CLCN6: variants seen among roughly 807,000 people sequenced by gnomAD.
CLCN6 encodes the protein Cl-/H+ antiporter 6.
CLCN6 carries 70 observed loss-of-function variants against 109.8 expected under a neutral mutation model. That is an observed-to-expected ratio of 0.64 (90% CI 0.53 to 0.78). The LOEUF (loss-of-function observed/expected upper bound fraction) is 0.78. CLCN6 is among the 30% of genes least tolerant of loss of function. The probability of loss-of-function intolerance (pLI) is 0.00; values close to 1 mark genes in which losing one functional copy is unlikely to be tolerated. For synonymous variants in CLCN6, 444 were observed against 447.8 expected, an observed-to-expected ratio of 0.99 and a Z score of 0.11; for missense variants, 984 against 1,142.3, an observed-to-expected ratio of 0.86 and a Z score of 2.00.
chr1:11,821,697 T>C (rs1475337193), intron 5 of CLCN6, among the ~76,000 whole-genome samples: 1 of 152,110 alleles, frequency 6.6e-6, no homozygotes, highest in Non-Finnish European at 1.5e-5. Flanking sequence ...AAAAGGAAGG[T>C]GCACATTCCT....
chr1:11,823,734 G>A lies in CLCN6; in HGVS notation c.481G>A (p.Glu161Lys), dbSNP rs777007367. The change falls in exon 7 of 23, where the codon GAG becomes AAG. Residue 161 changes from glutamate to lysine, a missense_variant. Coordinates refer to ENST00000346436, the MANE Select transcript of CLCN6 (RefSeq NM_001286.5). ...GGTGGCAGCAGGTTCCGGGATACCC[G>A]AGGTCAAATGCTATCTGAATGGCGT... Reference protein sequence around the residue: ...EPVAAGSGIPEVKCYLNGVKV... With the variant: ...EPVAAGSGIPKVKCYLNGVKV... 4 of 1,614,250 alleles carry A rather than the reference G, an allele frequency of 2.5e-6. No individual in the cohort carries two copies. The highest frequency in any genetic ancestry group is 1.3e-5 in the African/African-American group (1 of 75,066).
At chr1:11,830,776 CTAT>C (rs1644872355) in intron 13 of CLCN6, among the ~76,000 whole-genome samples, 6 of 118,096 alleles carry the variant, frequency 5.1e-5, no homozygotes, top group East Asian at 2.2e-4. Flanking sequence ...CACACACACA[CTAT>C]ATATACACAC....
intron 13 of CLCN6, among the ~76,000 whole-genome samples, chr1:11,831,337 A>G (rs961627408): frequency 2.0e-5 from 3 of 151,778 alleles, no homozygotes; most frequent in Non-Finnish European, 2.9e-5. Context: ...TTGTATTTCT[A>G]GTAGAGACGG....
At chr1:11,837,523 C>T (rs1644965904) in intron 20 of CLCN6, 24 bp downstream of exon 20, 1 of 1,609,112 alleles carries the variant, frequency 6.2e-7, no homozygotes, top group Admixed American at 1.7e-5. Context: ...AGGCAGAAAT[C>T]AGCCAGGCCA....
intron 5 of CLCN6, among the ~76,000 whole-genome samples, chr1:11,821,088 A>AC (rs1199583232): frequency 7.9e-5 from 9 of 113,312 alleles, no homozygotes; most frequent in Non-Finnish European, 1.6e-4. Context: ...AAACAACAAC[A>AC]AAAAAAAAAA....
In CLCN6 at chr1:11,806,246, G is replaced by A. The variant is rs1179320944; in HGVS notation, c.-17G>A. ...GGGGGTTGGTAGAGGGGTCCAGAGT[G>A]GCAGTAAAGGAGGAAGATGGCGGGG... On this transcript the variant is annotated 5_prime_UTR_variant, in exon 1 of 23. Transcript: ENST00000346436. 1.4e-6 allele frequency: 2 copies of A among 1,448,334 alleles called. No homozygotes were observed. Among genetic ancestry groups the A allele is most frequent in the South Asian group, 1.6e-5 (1 of 64,422 alleles). 89.7% of individuals were successfully genotyped at this position (1,448,334 alleles called of 1,614,324 possible). A position where few individuals can be genotyped will look rare whatever the true frequency, so the allele number is the denominator to read the frequency against.
chr1:11,815,066 A>T, intron 2 of CLCN6, among the ~76,000 whole-genome samples: 1 of 151,936 alleles, frequency 6.6e-6, no homozygotes, highest in Non-Finnish European at 1.5e-5. Flanking sequence ...AGTTGCTTTT[A>T]AAAATACTTT....
rs576300278 is a variant in CLCN6, at chr1:11,834,554, C to T, written c.1757C>T (p.Pro586Leu). ...ATCCACGTGGGCCTGCGAGGCGTGC[C>T]GCTTCTGGAATGGGAGACAGAGGTG... ...YDIHVGLRGVPLLEWETEVEM... is the reference protein window; with the variant it reads ...YDIHVGLRGVLLLEWETEVEM... The change falls in exon 17 of 23, where the codon CCG (proline) becomes CTG (leucine). Residue 586 changes from proline (P) to leucine (L), a missense_variant. Transcript: ENST00000346436. The surrounding 1 kb of genome is among the most constrained non-coding windows in gnomAD (Gnocchi z 4.5). 120 of 1,613,954 alleles carry T rather than the reference C, an allele frequency of 7.4e-5. No individual in the cohort carries two copies. The highest frequency in any genetic ancestry group is 4.9e-4 in the South Asian group (45 of 91,072).
Position 11,834,274 on chromosome 1 carries a change from C to T in CLCN6, c.1565C>T (p.Ala522Val). 6.2e-7 allele frequency: 1 copy of T among 1,614,016 alleles called. No homozygotes were observed. Among genetic ancestry groups the T allele is most frequent in the Non-Finnish European group, 8.5e-7 (1 of 1,179,982 alleles). The change falls in exon 16 of 23, where the codon GCC becomes GTC. Residue 522 changes from alanine to valine, a missense_variant. Transcript: ENST00000346436. The surrounding 1 kb of genome is among the most constrained non-coding windows in gnomAD (Gnocchi z 4.5). ...GGCCACATCTATTCGGGGACCTTTG[C>T]CCTGATTGGTGCAGCGGCTTTCTTG... The part of the protein sequence containing the change: ...GLGHIYSGTF[A>V]LIGAAAFLGG...
intron 9 of CLCN6, 136 bp from the exon 10 acceptor site, chr1:11,826,953 C>T: frequency 9.1e-7 from 1 of 1,101,110 alleles, no homozygotes; most frequent in Non-Finnish European, 1.3e-6. Context: ...GGCTGCCTCA[C>T]CAGTGACCTG....
rs1644923899 is a variant in CLCN6 at position 11,834,760 on chromosome 1, G to A, written c.1793+170G>A. Among the ~76,000 whole-genome samples, 1 of 152,224 alleles carries A rather than the reference G, an allele frequency of 6.6e-6. No individual in the cohort carries two copies. Among genetic ancestry groups the A allele is most frequent in the African/African-American group, 2.4e-5 (1 of 41,452 alleles). On this transcript the variant is annotated intron_variant, in intron 17 of 22. Transcript: ENST00000346436. This position sits in a 1 kb window ranked among gnomAD's most constrained non-coding sequence, Gnocchi z 4.5. ...ATGTGGAGCAGCCCATGGGCTGGGG[G>A]CTGCGGGGGCAGGGCAGGGGACACG...
At position 11,836,110 on chromosome 1, in the gene CLCN6, T is replaced by C; in HGVS notation, c.1937T>C (p.Phe646Ser). 6.2e-7 allele frequency: 1 copy of C among 1,613,256 alleles called. No individual in the cohort carries two copies. The part of the protein sequence containing the change: ...VTENRGNEKE[F>S]MKGNQLISNN... ...GAGAACCGCGGTAACGAGAAGGAGT[T>C]CATGAAGGGCAACCAGCTCATCAGC... is the stretch of plus-strand genomic sequence containing the variant. The change falls in exon 18 of 23, where the codon TTC becomes TCC. Residue 646 changes from phenylalanine (F) to serine (S), a missense_variant. Transcript: ENST00000346436.
Position 11,806,315 on chromosome 1 carries a change from G to A in CLCN6, c.53G>A (p.Cys18Tyr). ...LCCCCRWCCCCGERETRTPEE... is the reference protein window; with the variant it reads ...LCCCCRWCCCYGERETRTPEE... ...TGCTGCTGCAGGTGGTGCTGCTGCT[G>A]CGGTGAGCGTGAGACCCGCACCCCC... Residue 18 changes from cysteine to tyrosine, a missense_variant, in exon 1 of 23, where the codon TGC becomes TAC. Physicochemically the swap from Cys to Tyr is radical, Grantham distance 194. Coordinates refer to ENST00000346436, the MANE Select transcript of CLCN6 (RefSeq NM_001286.5). 1 of 1,513,828 alleles carries A rather than the reference G, an allele frequency of 6.6e-7. No homozygotes were observed. The highest frequency in any genetic ancestry group is 8.7e-7 in the Non-Finnish European group (1 of 1,143,376). 93.8% of individuals were successfully genotyped at this position (1,513,828 alleles called of 1,614,324 possible).
chr1:11,836,869 C>A, intron 18 of CLCN6, 130 bp from the exon 19 acceptor site: 1 of 1,032,548 alleles, frequency 9.7e-7, no homozygotes, highest in South Asian at 1.6e-5. Context: ...CTCTTTTGAA[C>A]CTCAGCCCCA....
Position 11,823,791 on chromosome 1 carries a change from C to T in CLCN6, c.538C>T (p.Leu180=). 6.2e-7 allele frequency: 1 copy of T among 1,614,256 alleles called. No homozygotes were observed. Among genetic ancestry groups the T allele is most frequent in the Non-Finnish European group, 8.5e-7 (1 of 1,180,032 alleles). ...KVPGIVRLRT[L]LCKVLGVLFS... is the part of the protein sequence containing the mutation. ...GCCAGGAATCGTCCGTCTCCGGACC[C>T]TGCTCTGCAAGGTCCTTGGAGTGCT... Residue 180 remains leucine (L), a synonymous_variant, in exon 7 of 23, where the codon CTG becomes TTG. Coordinates refer to ENST00000346436, the MANE Select transcript of CLCN6 (RefSeq NM_001286.5).
intron 12 of CLCN6, 65 bp downstream of exon 12, chr1:11,828,689 C>T (rs1644843927): frequency 6.6e-7 from 1 of 1,504,494 alleles, no homozygotes; most frequent in Non-Finnish European, 9.0e-7. Flanking sequence ...TGGGCCGCGC[C>T]ATCTCTCCCG....
chr1:11,831,567 C>T lies in CLCN6; in HGVS notation c.1249-1948C>T, dbSNP rs373175379. Among the ~76,000 whole-genome samples, 24 of 152,246 alleles carry T rather than the reference C, an allele frequency of 1.6e-4. 1 individual carries two copies. The East Asian group carries it at 1.7e-3, about 11-fold the overall frequency. ...TCTGGCTCTTTATGAAAAAGTTTGC[C>T]GACCCCTGTTACTAGTTATTCCCAA... On this transcript the variant is annotated intron_variant, in intron 13 of 22. Transcript: ENST00000346436.
intron 19 of CLCN6, 48 bp downstream of exon 19, chr1:11,837,204 G>C: frequency 6.2e-7 from 1 of 1,606,472 alleles, no homozygotes; most frequent in Non-Finnish European, 8.5e-7. Context: ...ACACAGCGGT[G>C]GGGTGAGCCT....
At chr1:11,832,618 A>ACCAC (rs1427260301) in intron 13 of CLCN6, among the ~76,000 whole-genome samples, 1 of 152,132 alleles carries the variant, frequency 6.6e-6, no homozygotes, top group African/African-American at 2.4e-5. Flanking sequence ...GGTCACACAA[A>ACCAC]CCACCCCCTG....
Sources: allele counts gnomAD v4.1 joint callset (sites outside exome capture counted in the v4.1 genomes callset), GRCh38; gene constraint gnomAD v4.1.1; non-coding constraint Gnocchi (gnomAD v3.1); transcripts MANE v1.5; gene names NCBI Gene and HGNC (gene_info 2026-07-23, HGNC 2026-07-21).